Variants in UNC79 observed in about 807,000 individuals in gnomAD.
The protein encoded by UNC79 is unc-79 subunit of NALCN channel complex.
A neutral mutation model predicts 283.1 loss-of-function variants in UNC79; 37 were observed. That is an observed-to-expected ratio of 0.13 (90% CI 0.10 to 0.17). The LOEUF (loss-of-function observed/expected upper bound fraction) is 0.17. Ranked by LOEUF, UNC79 falls within the 10% of genes least tolerant of loss-of-function variation. The pLI is 1.00. For missense variants in UNC79, 2,272 were observed against 3,211.1 expected, an observed-to-expected ratio of 0.71 and a Z score of 7.07; for synonymous variants, 1,107 against 1,200.2, an observed-to-expected ratio of 0.92 and a Z score of 1.61.
intron 1 of UNC79, among the ~76,000 whole-genome samples, chr14:93,345,802 AG>A (rs1288287647): frequency 3.3e-5 from 5 of 152,012 alleles, no homozygotes; most frequent in African/African-American, 1.2e-4. Context: ...TCAGATAGAA[AG>A]GTCTTACCCA....
chr14:93,347,247 G>A lies in UNC79; in HGVS notation c.-351+13724G>A, dbSNP rs199868634. The stretch of plus-strand genomic sequence containing the variant: ...ACCTCACCTGTGCTGTCCACGCCTG[G>A]CTTTGTCTCACCTGACGCGATATGC... On this transcript the variant is annotated intron_variant, in intron 1 of 49. Coordinates refer to the UNC79 transcript ENST00000256339. 4.7e-5 allele frequency: 75 copies of A among 1,588,036 alleles called. No homozygotes were observed. The Middle Eastern group carries it at 8.4e-4, about 18-fold the overall frequency.
At chr14:93,573,555 G>A (rs1379404545) in intron 16 of UNC79, among the ~76,000 whole-genome samples, 2 of 152,158 alleles carry the variant, frequency 1.3e-5, no homozygotes, top group Non-Finnish European at 2.9e-5. Flanking sequence ...AGAAAATGAG[G>A]ACAGAATCAA....
Position 93,653,867 on chromosome 14 carries a change from C to T in UNC79, c.6196+13C>T, listed in dbSNP as rs1445241821. The T allele has an allele frequency of 5.0e-6, 8 of 1,613,994 alleles. No individual in the cohort carries two copies. The highest frequency in any genetic ancestry group is 3.4e-6 in the Non-Finnish European group (4 of 1,179,978). On this transcript the variant is annotated intron_variant, in intron 36 of 48. Transcript: ENST00000555664. ...AGCACGATCAAAGGTAATTCATCCA[C>T]TGAGGATCCAGGCACCACAAATTTG...
chr14:93,691,792 T>G, exon 46 of UNC79: 2 of 1,614,258 alleles, frequency 1.2e-6, no homozygotes, highest in Non-Finnish European at 1.7e-6. Flanking sequence ...GCGTTCATCT[T>G]TGCTCAGCTG....
chr14:93,625,709 A>G (rs1250343662), intron 30 of UNC79, among the ~76,000 whole-genome samples: 3 of 151,908 alleles, frequency 2.0e-5, no homozygotes, highest in Admixed American at 6.6e-5. Flanking sequence ...TCCTTACTCA[A>G]CTTAAACTCA....
chr14:93,561,565 G>A (rs1477677833), intron 14 of UNC79, among the ~76,000 whole-genome samples: 3 of 152,130 alleles, frequency 2.0e-5, no homozygotes, highest in African/African-American at 7.2e-5. Context: ...TCGCTAAGGA[G>A]GGATTAGAAA....
chr14:93,512,672 G>T (rs1174917508), intron 7 of UNC79, among the ~76,000 whole-genome samples: 1 of 152,046 alleles, frequency 6.6e-6, no homozygotes, highest in Non-Finnish European at 1.5e-5. Context: ...CAATGAGTTA[G>T]TAATTTTATA....
intron 32 of UNC79, among the ~76,000 whole-genome samples, chr14:93,639,806 C>T (rs2068856156): frequency 1.3e-5 from 2 of 152,100 alleles, no homozygotes; most frequent in Non-Finnish European, 1.5e-5. Context: ...ACACATTGCC[C>T]ACTTGGCTAG....
intron 47 of UNC79, among the ~76,000 whole-genome samples, chr14:93,698,476 G>GATT (rs1555408706): frequency 0.013 from 1,015 of 79,092 alleles, 38 homozygotes; most frequent in Middle Eastern, 0.058. Context: ...TTTAGTTTAG[G>GATT]TTTTTTTTTT....
chr14:93,394,171 A>C (rs1324457306), intron 1 of UNC79, among the ~76,000 whole-genome samples: 3 of 152,022 alleles, frequency 2.0e-5, no homozygotes, highest in Non-Finnish European at 4.4e-5. Flanking sequence ...ATCAGGTTTC[A>C]TTTGCCTTAT....
chr14:93,520,233 C>G (rs1040817778), intron 7 of UNC79, among the ~76,000 whole-genome samples: 1 of 151,848 alleles, frequency 6.6e-6, no homozygotes, highest in African/African-American at 2.4e-5. Context: ...GTTCCATTGT[C>G]TTCTGGCTTG....
chr14:93,509,833 T>A (rs956565129), intron 7 of UNC79, among the ~76,000 whole-genome samples: 1 of 152,126 alleles, frequency 6.6e-6, no homozygotes, highest in Non-Finnish European at 1.5e-5. Flanking sequence ...TGGGGGACAG[T>A]GGACCTCTTC....
intron 1 of UNC79, among the ~76,000 whole-genome samples, chr14:93,424,501 A>G (rs1350516087): frequency 1.3e-5 from 2 of 152,246 alleles, no homozygotes; most frequent in Admixed American, 6.5e-5. Context: ...AATGTGGTAC[A>G]TATACACAAG....
intron 31 of UNC79, among the ~76,000 whole-genome samples, chr14:93,634,101 A>G (rs1471111984): frequency 1.3e-5 from 2 of 152,200 alleles, no homozygotes; most frequent in Admixed American, 1.3e-4. Context: ...ACACGCACAC[A>G]TACACAAGGA....
chr14:93,376,776 T>C (rs1182857719), intron 1 of UNC79, among the ~76,000 whole-genome samples: 1 of 151,790 alleles, frequency 6.6e-6, no homozygotes, highest in African/African-American at 2.4e-5. Context: ...TTACAAAAAA[T>C]ATACTCCTAG....
At chr14:93,344,390 G>A (rs1421138950) in intron 1 of UNC79, among the ~76,000 whole-genome samples, 1 of 152,192 alleles carries the variant, frequency 6.6e-6, no homozygotes, top group African/African-American at 2.4e-5. Flanking sequence ...TATATAAAGA[G>A]AGGCCCAGAA....
intron 42 of UNC79, among the ~76,000 whole-genome samples, chr14:93,684,036 T>C (rs1391835726): frequency 6.6e-6 from 1 of 152,192 alleles, no homozygotes; most frequent in Non-Finnish European, 1.5e-5. Context: ...TGTTTGTTTG[T>C]CATTAGCAAT....
chr14:93,511,292 T>A (rs932440310), intron 7 of UNC79, among the ~76,000 whole-genome samples: 3 of 152,172 alleles, frequency 2.0e-5, no homozygotes, highest in African/African-American at 7.2e-5. Flanking sequence ...ATATTAGATA[T>A]GGTTGCTTTG....
chr14:93,572,865 T>C (rs2063284176), intron 16 of UNC79, 49 bp downstream of exon 16: 5 of 1,602,876 alleles, frequency 3.1e-6, no homozygotes, highest in Non-Finnish European at 4.3e-6. Context: ...TCTTAGCTTA[T>C]AAGCTTTAGA....
Sources: allele counts gnomAD v4.1 joint callset (sites outside exome capture counted in the v4.1 genomes callset), GRCh38; gene constraint gnomAD v4.1.1; transcripts MANE v1.5; gene names NCBI Gene and HGNC (gene_info 2026-07-23, HGNC 2026-07-21).